CNTN4: variants seen among roughly 807,000 people sequenced by gnomAD.
CNTN4 encodes the protein contactin-4.
A neutral mutation model predicts 122.5 loss-of-function variants in CNTN4; 77 were observed. That is an observed-to-expected ratio of 0.63 (90% confidence interval 0.52 to 0.76). The LOEUF is 0.76. CNTN4 is among the 30% of genes least tolerant of loss of function. CNTN4 has a pLI of 0.00. For synonymous variants in CNTN4, 512 were observed against 447.0 expected (o/e 1.15, Z -1.83); for missense variants, 1,256 against 1,259.1 (o/e 1.00, Z 0.04).
intron 9 of CNTN4, among the ~76,000 whole-genome samples, chr3:2,884,551 A>G (rs17646423): frequency 0.35 from 53,029 of 152,136 alleles, 10,198 homozygotes; most frequent in East Asian, 0.72. Context: ...TTTAAGACAT[A>G]GAAAATGCCC....
intron 3 of CNTN4, among the ~76,000 whole-genome samples, chr3:2,515,163 T>TA (rs2077004675): frequency 6.6e-6 from 1 of 152,144 alleles, no homozygotes; most frequent in African/African-American, 2.4e-5. Context: ...TACTGCTCTG[T>TA]TATATATTAG....
chr3:2,603,231 C>T (rs923229381), intron 4 of CNTN4, among the ~76,000 whole-genome samples: 19 of 152,076 alleles, frequency 1.2e-4, no homozygotes, highest in Middle Eastern at 3.4e-3. Context: ...AATGATTTTT[C>T]CCATATGCCA....
At chr3:2,545,764 G>A (rs568896675) in intron 3 of CNTN4, among the ~76,000 whole-genome samples, 7 of 151,718 alleles carry the variant, frequency 4.6e-5, no homozygotes, top group South Asian at 2.1e-4. Flanking sequence ...GAGTGTTATC[G>A]CATGTGAGGT....
At chr3:2,630,510 A>G (rs564066814) in intron 4 of CNTN4, among the ~76,000 whole-genome samples, 99 of 152,322 alleles carry the variant, frequency 6.5e-4, no homozygotes, top group Middle Eastern at 3.4e-3. Flanking sequence ...ACTTAAGGAA[A>G]AAGTTTGCTG....
intron 2 of CNTN4, among the ~76,000 whole-genome samples, chr3:2,183,372 C>T (rs2149292953): frequency 6.6e-6 from 1 of 152,228 alleles, no homozygotes; most frequent in Non-Finnish European, 1.5e-5. Context: ...TCTCTTGGTT[C>T]CCAGAGATGA....
In CNTN4 at chr3:2,745,710, T is replaced by C. The variant is rs534094016; in HGVS notation, c.358+13T>C. On this transcript the variant is annotated intron_variant, in intron 6 of 24. Transcript: ENST00000418658. ...CTTCAGTTTGCTTGTAAGTAGCAATTATACAATGCTGCAAATGTTGCTTTC... is the reference window on the plus strand; with the variant it reads ...CTTCAGTTTGCTTGTAAGTAGCAATCATACAATGCTGCAAATGTTGCTTTC... 23 of 1,611,518 alleles carry C rather than the reference T, an allele frequency of 1.4e-5. No individual in the cohort carries two copies. The South Asian group carries it at 2.3e-4, about 16-fold the overall frequency.
At position 2,711,045 on chromosome 3, in the gene CNTN4, A is replaced by AGCCCAAAGTAGAGATCTAAT. The variant is rs2087116389; in HGVS notation, c.56-25169_56-25150dup. 5.9e-5 allele frequency among the ~76,000 whole-genome samples: 9 copies of AGCCCAAAGTAGAGATCTAAT among 152,382 alleles called. 1 individual carries two copies. The South Asian group carries it at 1.9e-3, about 32-fold the overall frequency. Reference sequence around the variant, plus strand: ...AATTGGATTCCAGTCAGGGTCAATCAGCCCAAAGTAGAGATCTAATATTTT... The same window carrying AGCCCAAAGTAGAGATCTAAT: ...AATTGGATTCCAGTCAGGGTCAATCAGCCCAAAGTAGAGATCTAATGCCCAAAGTAGAGATCTAATATTTT... On this transcript the variant is annotated intron_variant, in intron 4 of 24. Coordinates refer to ENST00000418658, the MANE Select transcript of CNTN4 (RefSeq NM_175607.3).
At chr3:2,784,960 T>G (rs562134899) in intron 6 of CNTN4, among the ~76,000 whole-genome samples, 2 of 152,318 alleles carry the variant, frequency 1.3e-5, no homozygotes, top group Admixed American at 6.5e-5. Context: ...ATAATTATAC[T>G]TGAGTAGTTC....
intron 14 of CNTN4, among the ~76,000 whole-genome samples, chr3:3,004,956 CT>C (rs1350067069): frequency 6.6e-6 from 1 of 152,174 alleles, no homozygotes; most frequent in Non-Finnish European, 1.5e-5. Flanking sequence ...GTTGAAGCTC[CT>C]TCTTTTAAAA....
chr3:2,586,882 C>T (rs563333192), intron 4 of CNTN4, among the ~76,000 whole-genome samples: 5 of 152,336 alleles, frequency 3.3e-5, no homozygotes, highest in African/African-American at 1.2e-4. Flanking sequence ...GCAGCCCCTA[C>T]AGTAGCAGTC....
chr3:2,851,996 G>A (rs1200540814), intron 7 of CNTN4, among the ~76,000 whole-genome samples: 3 of 152,118 alleles, frequency 2.0e-5, no homozygotes, highest in African/African-American at 7.2e-5. Context: ...GTAAAATCTA[G>A]TTGCTAAGTT....
At chr3:2,822,464 C>A (rs1404622550) in intron 7 of CNTN4, among the ~76,000 whole-genome samples, 1 of 152,180 alleles carries the variant, frequency 6.6e-6, no homozygotes, top group Non-Finnish European at 1.5e-5. Flanking sequence ...GAGAAAACCA[C>A]TTCACTGTGG....
chr3:2,713,443 G>A (rs1241103921), intron 4 of CNTN4, among the ~76,000 whole-genome samples: 1 of 152,216 alleles, frequency 6.6e-6, no homozygotes, highest in Non-Finnish European at 1.5e-5. Context: ...TGAACAAAAA[G>A]GGGCATGATC....
intron 6 of CNTN4, among the ~76,000 whole-genome samples, chr3:2,765,663 C>A (rs1240123482): frequency 6.6e-6 from 1 of 152,068 alleles, no homozygotes; most frequent in Non-Finnish European, 1.5e-5. Context: ...CTGTGAATAG[C>A]TGCACATATA....
At chr3:2,344,243 T>C (rs2044313443) in intron 3 of CNTN4, among the ~76,000 whole-genome samples, 1 of 152,062 alleles carries the variant, frequency 6.6e-6, no homozygotes, top group African/African-American at 2.4e-5. Context: ...GAGAGTCCTG[T>C]CTGACCTGAC....
At chr3:2,796,448 A>G (rs1374820801) in intron 6 of CNTN4, among the ~76,000 whole-genome samples, 2 of 152,136 alleles carry the variant, frequency 1.3e-5, no homozygotes, top group East Asian at 3.9e-4. Context: ...ACTTTTCAAT[A>G]TTCCTTTTAA....
At chr3:2,181,138 C>CA (rs1207616930) in intron 2 of CNTN4, among the ~76,000 whole-genome samples, 1 of 151,676 alleles carries the variant, frequency 6.6e-6, no homozygotes, top group Admixed American at 6.6e-5. Context: ...GCATGACCTA[C>CA]AAAAAATTAT....
intron 3 of CNTN4, among the ~76,000 whole-genome samples, chr3:2,517,936 C>T (rs2077085685): frequency 6.6e-6 from 1 of 152,102 alleles, no homozygotes; most frequent in South Asian, 2.1e-4. Context: ...TACTCCCATC[C>T]AGCTGTCTGG....
intron 13 of CNTN4, among the ~76,000 whole-genome samples, chr3:2,935,548 A>G (rs745831798): frequency 2.6e-5 from 4 of 152,210 alleles, no homozygotes; most frequent in East Asian, 1.9e-4. Flanking sequence ...GAGAAATTCA[A>G]TTGAATGAAT....
Sources: gnomAD v4.1 joint callset for allele counts (sites outside exome capture counted in the v4.1 genomes callset) on GRCh38, gnomAD v4.1.1 for gene constraint, MANE v1.5 for transcripts, NCBI Gene and HGNC (gene_info 2026-07-23, HGNC 2026-07-21) for gene names.